The following SAP30BP variants were observed in gnomAD, a reference collection of about 807,000 sequenced individuals.
SAP30BP encodes SAP30 binding protein.
Under a neutral mutation model 46.3 loss-of-function variants are expected in SAP30BP, and 31 were observed. The observed-to-expected ratio is 0.67, with a 90% CI of 0.50 to 0.90. The LOEUF is 0.90. Among genes scored for constraint, SAP30BP ranks in the 40% least tolerant of loss-of-function variants. The pLI, the probability that SAP30BP is intolerant of heterozygous loss-of-function variation, is 0.00. For synonymous variants in SAP30BP, 169 were observed against 144.2 expected (o/e 1.17, Z -1.23); for missense variants, 312 against 391.0 (o/e 0.80, Z 1.70).
At chr17:75,701,347 G>A (rs534084961) in intron 5 of SAP30BP, among the ~76,000 whole-genome samples, 7 of 152,286 alleles carry the variant, frequency 4.6e-5, no homozygotes, top group African/African-American at 1.7e-4. Context: ...TCTAGAGGTG[G>A]CTCTGCCATG....
At chr17:75,702,861 A>C (rs2060434623) in intron 6 of SAP30BP, 1 of 321,064 alleles carries the variant, frequency 3.1e-6, no homozygotes, top group Admixed American at 4.5e-5. Flanking sequence ...TGACCTCTCA[A>C]GTCCCCTGTC....
At chr17:75,702,260 G>A (rs952355900) in intron 5 of SAP30BP, among the ~76,000 whole-genome samples, 1 of 152,136 alleles carries the variant, frequency 6.6e-6, no homozygotes, top group African/African-American at 2.4e-5. Context: ...TCTGGACCTC[G>A]TGATCCACCC....
chr17:75,675,300 G>T (rs534117930), intron 3 of SAP30BP, among the ~76,000 whole-genome samples: 9 of 152,204 alleles, frequency 5.9e-5, no homozygotes, highest in South Asian at 4.2e-4. Flanking sequence ...ACAGGCACAT[G>T]CCATGTCGCC....
At chr17:75,703,121 C>T (rs1650527487) in intron 6 of SAP30BP, 190 bp from the exon 7 acceptor site, 1 of 595,206 alleles carries the variant, frequency 1.7e-6, no homozygotes. Flanking sequence ...TGACCCTGTG[C>T]TCCTCCCGGC....
rs757736042 is a variant in SAP30BP at position 75,668,592 on chromosome 17, TGAA to T, written c.195_197del (p.Glu65del). 2.4e-5 allele frequency: 38 copies of T among 1,607,026 alleles called. 1 individual carries two copies. Among genetic ancestry groups the T allele is most frequent in the South Asian group, 1.1e-4 (10 of 89,744 alleles). Reference sequence around the variant, plus strand: ...GTCTAGGGGGTGATGAAGATGGTTATGAAGAAGAAGAAGATGAGAACAGTAGAC... The same window carrying T: ...GTCTAGGGGGTGATGAAGATGGTTATGAAGAAGAAGATGAGAACAGTAGAC... On this transcript the variant is annotated inframe_deletion, in exon 2 of 11. Coordinates refer to ENST00000584667, the MANE Select transcript of SAP30BP (RefSeq NM_013260.8).
chr17:75,698,143 G>A (rs1171134110), intron 4 of SAP30BP, among the ~76,000 whole-genome samples: 1 of 152,242 alleles, frequency 6.6e-6, no homozygotes, highest in Non-Finnish European at 1.5e-5. Flanking sequence ...GGACTGCAGT[G>A]CCGGGGTGGC....
chr17:75,699,612 C>T (rs954460362), intron 4 of SAP30BP, among the ~76,000 whole-genome samples, 171 bp from the exon 5 acceptor site: 1 of 152,100 alleles, frequency 6.6e-6, no homozygotes, highest in Non-Finnish European at 1.5e-5. Flanking sequence ...TCCGGTCATT[C>T]AGTCTCAGCT....
intron 3 of SAP30BP, among the ~76,000 whole-genome samples, chr17:75,686,945 A>G (rs1157355648): frequency 6.6e-6 from 1 of 152,208 alleles, no homozygotes; most frequent in Non-Finnish European, 1.5e-5. Flanking sequence ...GTAATCCAGC[A>G]TTGTTGCTTT....
At chr17:75,704,897 G>T in intron 9 of SAP30BP, 83 bp downstream of exon 9, 3 of 1,116,704 alleles carry the variant, frequency 2.7e-6, no homozygotes, top group Non-Finnish European at 4.1e-6. Context: ...AGGTGTCCAG[G>T]CTGCCCCCAA....
intron 4 of SAP30BP, among the ~76,000 whole-genome samples, chr17:75,699,441 C>T (rs2060372317): frequency 6.6e-6 from 1 of 151,724 alleles, no homozygotes; most frequent in Non-Finnish European, 1.5e-5. Flanking sequence ...ATCTGCCTAC[C>T]TTGGCTTCCC....
intron 3 of SAP30BP, 152 bp from the exon 4 acceptor site, chr17:75,693,288 G>T: frequency 4.8e-6 from 3 of 618,896 alleles, no homozygotes; most frequent in Non-Finnish European, 8.6e-6. Context: ...GCTCGGGGGT[G>T]CCAGAGGCCC....
chr17:75,690,589 G>C (rs2060227046), intron 3 of SAP30BP: 1 of 433,432 alleles, frequency 2.3e-6, no homozygotes, highest in Non-Finnish European at 4.6e-6. Context: ...AAAGTGCTGG[G>C]ATTACAGGCG....
chr17:75,675,308 G>A (rs1251246613), intron 3 of SAP30BP, among the ~76,000 whole-genome samples: 2 of 152,028 alleles, frequency 1.3e-5, no homozygotes, highest in Admixed American at 6.6e-5. Flanking sequence ...ATGCCATGTC[G>A]CCCAGCTAAT....
In SAP30BP at chr17:75,693,061, G is replaced by A. The variant is rs116089430; in HGVS notation, c.265-379G>A. ...AGAGGTGGTGATGTCTGGGCTGGCC[G>A]GGCCCTTGAGCTCTGCACTCCATTC... On this transcript the variant is annotated intron_variant, in intron 3 of 10. Coordinates refer to ENST00000584667, the MANE Select transcript of SAP30BP (RefSeq NM_013260.8). 3.1e-3 allele frequency: 546 copies of A among 173,386 alleles called. 3 individuals carry two copies. Among genetic ancestry groups the A allele is most frequent in the African/African-American group, 0.013 (529 of 42,252 alleles). 10.7% of individuals were successfully genotyped at this position (173,386 alleles called of 1,614,324 possible). A position where few individuals can be genotyped will look rare whatever the true frequency, so the allele number is the denominator to read the frequency against.
At chr17:75,694,947 G>C (rs969011886) in intron 4 of SAP30BP, among the ~76,000 whole-genome samples, 1 of 152,152 alleles carries the variant, frequency 6.6e-6, no homozygotes, top group Non-Finnish European at 1.5e-5. Context: ...TTTTACGTGT[G>C]CCATTTTATG....
At chr17:75,682,058 T>TAAGA (rs2060084182) in intron 3 of SAP30BP, among the ~76,000 whole-genome samples, 1 of 152,178 alleles carries the variant, frequency 6.6e-6, no homozygotes, top group East Asian at 1.9e-4. Flanking sequence ...GACAGAGTTA[T>TAAGA]TTTTTTATAA....
At chr17:75,689,971 G>C (rs2060218111) in intron 3 of SAP30BP, among the ~76,000 whole-genome samples, 1 of 152,174 alleles carries the variant, frequency 6.6e-6, no homozygotes. Context: ...AGATTTCAAT[G>C]GGAGGGAGGT....
intron 3 of SAP30BP, 194 bp downstream of exon 3, chr17:75,672,057 T>C (rs2148369657): frequency 8.5e-6 from 5 of 584,848 alleles, no homozygotes; most frequent in South Asian, 2.0e-5. Flanking sequence ...CTGAGACACA[T>C]TGGATTTCCA....
intron 8 of SAP30BP, 78 bp from the exon 9 acceptor site, chr17:75,704,678 C>G (rs891640131): frequency 2.8e-6 from 3 of 1,075,216 alleles, no homozygotes; most frequent in Non-Finnish European, 4.3e-6. Context: ...CTGAAAAGAA[C>G]GCAGGGATCA....
Sources: gnomAD v4.1 joint callset for allele counts (sites outside exome capture counted in the v4.1 genomes callset) on GRCh38, gnomAD v4.1.1 for gene constraint, MANE v1.5 for transcripts, NCBI Gene and HGNC (gene_info 2026-07-23, HGNC 2026-07-21) for gene names.